GPC6: variants seen among roughly 807,000 people sequenced by gnomAD.
GPC6 encodes the protein glypican 6.
GPC6 carries 14 observed loss-of-function variants against 55.2 expected under a neutral mutation model. The ratio of observed to expected loss-of-function variants is 0.25; its 90% confidence interval spans 0.17 to 0.40. The LOEUF is 0.40. Ranked by LOEUF, GPC6 falls within the 10% of genes least tolerant of loss-of-function variation. The pLI is 1.00. For synonymous variants in GPC6, 278 were observed against 259.6 expected (o/e 1.07, Z -0.68); for missense variants, 641 against 708.5 (o/e 0.90, Z 1.08).
At chr13:93,958,084 GT>G in intron 3 of GPC6, among the ~76,000 whole-genome samples, 1 of 152,188 alleles carries the variant, frequency 6.6e-6, no homozygotes. Flanking sequence ...GTGTTAATTT[GT>G]TTAAGTTCCT....
intron 1 of GPC6, among the ~76,000 whole-genome samples, chr13:93,479,782 A>C (rs1879445158): frequency 6.6e-6 from 1 of 152,236 alleles, no homozygotes; most frequent in Admixed American, 6.5e-5. Context: ...GATCATTATA[A>C]GAGAGAGTTC....
intron 2 of GPC6, among the ~76,000 whole-genome samples, chr13:93,594,448 G>A (rs929585950): frequency 6.6e-6 from 1 of 151,896 alleles, no homozygotes; most frequent in African/African-American, 2.4e-5. Context: ...TCATATAATA[G>A]TATAACTCAT....
chr13:93,246,662 G>A (rs781078924), intron 1 of GPC6, among the ~76,000 whole-genome samples: 1 of 151,642 alleles, frequency 6.6e-6, no homozygotes, highest in Non-Finnish European at 1.5e-5. Context: ...GCCGGATGTG[G>A]TGGTGGGCAC....
At chr13:93,831,703 G>T (rs1194223431) in intron 3 of GPC6, among the ~76,000 whole-genome samples, 1 of 151,830 alleles carries the variant, frequency 6.6e-6, no homozygotes, top group East Asian at 1.9e-4. Flanking sequence ...ACGTTTATTT[G>T]AGCATACAGA....
At chr13:93,503,151 C>A (rs1384542540) in intron 1 of GPC6, among the ~76,000 whole-genome samples, 1 of 151,028 alleles carries the variant, frequency 6.6e-6, no homozygotes, top group African/African-American at 2.4e-5. Flanking sequence ...GTTATCAATT[C>A]ATGTACATCA....
chr13:93,483,381 A>C (rs1328589501), intron 1 of GPC6, among the ~76,000 whole-genome samples: 1 of 152,170 alleles, frequency 6.6e-6, no homozygotes, highest in Non-Finnish European at 1.5e-5. Flanking sequence ...TTAACTAGAT[A>C]AGTACTTACT....
At chr13:94,044,915 A>G (rs980542107) in intron 4 of GPC6, among the ~76,000 whole-genome samples, 5 of 151,856 alleles carry the variant, frequency 3.3e-5, no homozygotes, top group Admixed American at 6.6e-5. Flanking sequence ...AACGTGCCGT[A>G]TCATATAAAG....
chr13:93,424,837 C>T lies in GPC6; in HGVS notation c.161-120426C>T, dbSNP rs16948775. On this transcript the variant is annotated intron_variant, in intron 1 of 8. Transcript: ENST00000377047. ...CTTGACTTCTGTGTCATATGTTTCC[C>T]GTAGATTATTTGGAAACAGGACCAC... Among the ~76,000 whole-genome samples the T allele has an allele frequency of 3.9e-3, 595 of 152,014 alleles. 4 individuals carry two copies. The highest frequency in any genetic ancestry group is 0.013 in the African/African-American group (540 of 41,438).
chr13:93,872,125 TA>T (rs1161768923), intron 3 of GPC6, among the ~76,000 whole-genome samples: 3 of 151,954 alleles, frequency 2.0e-5, no homozygotes, highest in Non-Finnish European at 4.4e-5. Context: ...CTTTTTGAAA[TA>T]TCAAAAGAGA....
chr13:94,134,874 A>G (rs1887126979), intron 4 of GPC6, among the ~76,000 whole-genome samples: 1 of 152,212 alleles, frequency 6.6e-6, no homozygotes, highest in Non-Finnish European at 1.5e-5. Context: ...ATCTGAAGAC[A>G]AATGATTTAC....
At chr13:94,226,438 T>C (rs1890560371) in intron 4 of GPC6, among the ~76,000 whole-genome samples, 1 of 152,128 alleles carries the variant, frequency 6.6e-6, no homozygotes, top group African/African-American at 2.4e-5. Context: ...TGTTTGAATT[T>C]CCACAAAGAA....
chr13:93,714,861 C>T (rs1373257494), intron 2 of GPC6, among the ~76,000 whole-genome samples: 1 of 151,674 alleles, frequency 6.6e-6, no homozygotes, highest in East Asian at 2.0e-4. Flanking sequence ...TGGAAAGATG[C>T]AGTGATTTCC....
At chr13:93,764,264 A>C (rs2138881310) in intron 2 of GPC6, among the ~76,000 whole-genome samples, 1 of 152,220 alleles carries the variant, frequency 6.6e-6, no homozygotes, top group Non-Finnish European at 1.5e-5. Flanking sequence ...CCAATCCTAC[A>C]AAATGCTACC....
At chr13:93,537,373 A>G (rs1882103520) in intron 1 of GPC6, among the ~76,000 whole-genome samples, 2 of 152,142 alleles carry the variant, frequency 1.3e-5, no homozygotes, top group African/African-American at 2.4e-5. Flanking sequence ...CATCTACTAT[A>G]CTTAGTTTGT....
chr13:93,624,937 T>C (rs1879138590), intron 2 of GPC6, among the ~76,000 whole-genome samples: 3 of 152,224 alleles, frequency 2.0e-5, no homozygotes, highest in Admixed American at 2.0e-4. Context: ...AGGAAATATG[T>C]GGAAGGAAAA....
At chr13:93,242,242 A>T (rs890181325) in intron 1 of GPC6, among the ~76,000 whole-genome samples, 1 of 152,186 alleles carries the variant, frequency 6.6e-6, no homozygotes. Context: ...GGGAGTTCCC[A>T]TGAAATGCAC....
chr13:93,293,201 G>T (rs1878374300), intron 1 of GPC6, among the ~76,000 whole-genome samples: 1 of 151,722 alleles, frequency 6.6e-6, no homozygotes, highest in Non-Finnish European at 1.5e-5. Context: ...AGGCTGGTCA[G>T]AAGTTCCTTT....
chr13:93,306,881 C>T (rs572256712), intron 1 of GPC6, among the ~76,000 whole-genome samples: 35 of 152,122 alleles, frequency 2.3e-4, no homozygotes, highest in East Asian at 9.6e-4. Context: ...ATTTTAAATA[C>T]GCATGTCCCC....
At chr13:94,299,861 T>C (rs1337720694) in intron 5 of GPC6, among the ~76,000 whole-genome samples, 1 of 152,196 alleles carries the variant, frequency 6.6e-6, no homozygotes, top group Non-Finnish European at 1.5e-5. Flanking sequence ...TCCACACTAA[T>C]GAAGATACGA....
Sources: allele counts gnomAD v4.1 joint callset (sites outside exome capture counted in the v4.1 genomes callset), GRCh38; gene constraint gnomAD v4.1.1; transcripts MANE v1.5; gene names NCBI Gene and HGNC (gene_info 2026-07-23, HGNC 2026-07-21).